Variants in SLC12A2 observed in about 807,000 individuals in gnomAD.
SLC12A2 encodes solute carrier family 12 member 2, also known as Na-K-2Cl cotransporter 1.
SLC12A2 carries 67 observed loss-of-function variants against 136.3 expected under a neutral mutation model. That is an observed-to-expected ratio of 0.49 (90% CI 0.40 to 0.60). The LOEUF is 0.60. SLC12A2 is among the 20% of genes least tolerant of loss of function. The pLI is 0.00. For missense variants in SLC12A2, 1,322 were observed against 1,534.7 expected (o/e 0.86, Z 2.32); for synonymous variants, 619 against 562.9 (o/e 1.10, Z -1.41).
At chr5:128,148,415 G>C (rs1762596729) in intron 11 of SLC12A2, among the ~76,000 whole-genome samples, 1 of 151,662 alleles carries the variant, frequency 6.6e-6, no homozygotes, top group South Asian at 2.1e-4. Context: ...TAAGATTTCA[G>C]CTTGTTTTTC....
At position 128,110,964 on chromosome 5, in the gene SLC12A2, T is replaced by C; in HGVS notation, c.757-1850T>C. 6 of 814,278 alleles carry C rather than the reference T, an allele frequency of 7.4e-6. No homozygotes were observed. In the South Asian group the frequency reaches 8.0e-5, roughly 11 times the overall value. 50.4% of individuals were successfully genotyped at this position (814,278 alleles called of 1,614,324 possible). A position where few individuals can be genotyped will look rare whatever the true frequency, so the allele number is the denominator to read the frequency against. ...CTGAGAATGACCTCTTCCCTTGCAC[T>C]TGCCATAGGAAAAAGACCAAAGATG... On this transcript the variant is annotated intron_variant, in intron 1 of 26. Coordinates refer to ENST00000262461, the MANE Select transcript of SLC12A2 (RefSeq NM_001046.3).
In SLC12A2 at chr5:128,184,465, A is replaced by C; in HGVS notation, c.3399A>C (p.Arg1133=). Residue 1133 remains arginine (R), a synonymous_variant, in exon 25 of 27, where the codon CGA becomes CGC. Coordinates refer to ENST00000262461, the MANE Select transcript of SLC12A2 (RefSeq NM_001046.3). ...AAATGAAAGAAGATGAACCATGGCG[A>C]ATAACAGATAATGAGCTTGAACTTT... ...ADKMKEDEPW[R]ITDNELELYK... The C allele has an allele frequency of 9.3e-6, 15 of 1,608,244 alleles. No homozygotes were observed. Among genetic ancestry groups the C allele is most frequent in the Non-Finnish European group, 1.3e-5 (15 of 1,177,434 alleles).
chr5:128,104,827 C>G lies in SLC12A2; in HGVS notation c.757-7987C>G, dbSNP rs1207980706. ...ATGCTGTATACCCTGGGAGGTATTT[C>G]TACAAAGTATAGAATTTTAAAAATC... On this transcript the variant is annotated intron_variant, in intron 1 of 26. Transcript: ENST00000262461. Among the ~76,000 whole-genome samples the G allele has an allele frequency of 2.0e-5, 3 of 151,856 alleles. No individual in the cohort carries two copies. In the South Asian group the frequency reaches 6.2e-4, roughly 31 times the overall value.
Position 128,158,180 on chromosome 5 carries a change from G to A in SLC12A2, c.2475+16G>A. ...TGTACATATGGTAAGTATCAATTTT[G>A]TTTTCTTTTTCAAGTTTTTTTTTAA... On this transcript the variant is annotated intron_variant, in intron 16 of 26. Transcript: ENST00000262461. 6.3e-7 allele frequency: 1 copy of A among 1,574,818 alleles called. No homozygotes were observed. The highest frequency in any genetic ancestry group is 8.6e-7 in the Non-Finnish European group (1 of 1,158,834).
chr5:128,132,963 C>G (rs971836340), intron 5 of SLC12A2, among the ~76,000 whole-genome samples: 3 of 152,024 alleles, frequency 2.0e-5, no homozygotes, highest in African/African-American at 7.2e-5. Flanking sequence ...ACATTTTAAA[C>G]TACATTTATT....
intron 1 of SLC12A2, 53 bp from the exon 2 acceptor site, chr5:128,112,761 G>T (rs1343559948): frequency 1.2e-5 from 16 of 1,387,820 alleles, no homozygotes; most frequent in Non-Finnish European, 1.5e-5. Context: ...TTTTTATCAA[G>T]TGATTTTAAA....
chr5:128,127,579 T>G (rs1228942553), intron 4 of SLC12A2, among the ~76,000 whole-genome samples: 2 of 152,146 alleles, frequency 1.3e-5, no homozygotes, highest in African/African-American at 4.8e-5. Flanking sequence ...AGTTTTTTTT[T>G]TGGCAGGAGT....
At chr5:128,126,625 G>C (rs1448182863) in intron 4 of SLC12A2, among the ~76,000 whole-genome samples, 1 of 152,126 alleles carries the variant, frequency 6.6e-6, no homozygotes, top group African/African-American at 2.4e-5. Context: ...TCTGAATAGA[G>C]ATGGTTTTTA....
chr5:128,159,347 C>T (rs1266770100), intron 16 of SLC12A2, among the ~76,000 whole-genome samples: 1 of 152,026 alleles, frequency 6.6e-6, no homozygotes, highest in Non-Finnish European at 1.5e-5. Context: ...GGCATGGGCA[C>T]AGACTTCATG....
In SLC12A2 at chr5:128,135,684, A is replaced by T. The variant is rs369460358; in HGVS notation, c.1300-16A>T. 1 of 1,458,744 alleles carries T rather than the reference A, an allele frequency of 6.9e-7. No individual in the cohort carries two copies. Among genetic ancestry groups the T allele is most frequent in the Admixed American group, 1.7e-5 (1 of 57,520 alleles). The allele number at this position is 1,458,744 out of a possible 1,614,324, so 90.4% of individuals were successfully genotyped here. ...ACAAGATACTTGATTTTAATTTTTA[A>T]TGTTTAAAATTGCAGGCTCAGATTG... On this transcript the variant is annotated splice_polypyrimidine_tract_variant and intron_variant, in intron 6 of 26. Coordinates refer to ENST00000262461, the MANE Select transcript of SLC12A2 (RefSeq NM_001046.3).
At chr5:128,095,876 A>T (rs1760518515) in intron 1 of SLC12A2, among the ~76,000 whole-genome samples, 1 of 152,062 alleles carries the variant, frequency 6.6e-6, no homozygotes, top group Admixed American at 6.6e-5. Context: ...GACCATGTTG[A>T]GTCTTTGATT....
rs1375971728 is a variant in SLC12A2 at position 128,133,820 on chromosome 5, A to G, written c.1189-345A>G. ...AAAGCATGAGTTCACTAATCACAAT[A>G]AATACAAAATATATTTCTGCTATAT... On this transcript the variant is annotated intron_variant, in intron 5 of 26. Transcript: ENST00000262461. 6.6e-5 allele frequency among the ~76,000 whole-genome samples: 10 copies of G among 152,242 alleles called. No individual in the cohort carries two copies. The East Asian group carries it at 1.9e-3, about 29-fold the overall frequency.
chr5:128,090,377 T>C (rs577704906), intron 1 of SLC12A2, among the ~76,000 whole-genome samples: 1 of 152,324 alleles, frequency 6.6e-6, no homozygotes, highest in East Asian at 1.9e-4. Context: ...TTCTTGGTTC[T>C]TATGTGTGGA....
intron 5 of SLC12A2, among the ~76,000 whole-genome samples, chr5:128,132,026 T>A (rs925850085): frequency 6.6e-6 from 1 of 151,952 alleles, no homozygotes; most frequent in Non-Finnish European, 1.5e-5. Context: ...AAAAGAAAAA[T>A]ACAAACATTT....
At position 128,084,189 on chromosome 5, in the gene SLC12A2, A is replaced by C. The variant is rs557916029; in HGVS notation, c.235A>C (p.Ser79Arg). The change falls in exon 1 of 27, where the codon AGC becomes CGC. Residue 79 changes from serine (S) to arginine (R), a missense_variant. Transcript: ENST00000262461. The surrounding 1 kb of genome is among the most constrained non-coding windows in gnomAD (Gnocchi z 5.6). ...GRPLGPTPSQ[S>R]RFQVDLVSEN... ...ACCCTTGGGGCCCACCCCGAGCCAG[A>C]GCCGTTTCCAGGTGGACCTGGTTTC... 139 of 1,292,132 alleles carry C rather than the reference A, an allele frequency of 1.1e-4. No individual in the cohort carries two copies. The highest frequency in any genetic ancestry group is 3.7e-4 in the Admixed American group (9 of 24,442). 80.0% of individuals were successfully genotyped at this position (1,292,132 alleles called of 1,614,324 possible).
intron 17 of SLC12A2, 39 bp downstream of exon 17, chr5:128,161,839 A>G (rs754063273): frequency 1.5e-6 from 2 of 1,335,036 alleles, no homozygotes; most frequent in African/African-American, 1.5e-5. Flanking sequence ...TACATTTTAG[A>G]TTTGTATAAG....
intron 1 of SLC12A2, among the ~76,000 whole-genome samples, chr5:128,098,048 G>A (rs944421580): frequency 6.6e-6 from 1 of 152,144 alleles, no homozygotes; most frequent in South Asian, 2.1e-4. Flanking sequence ...TAGGAAGTCA[G>A]CCAACTGTGT....
chr5:128,084,830 C>A lies in SLC12A2; in HGVS notation c.756+120C>A. ...GTAGTAGACGTGCACGACTTGCTGG[C>A]ATCTCTGGATTCAGCTGTCAAGGGT... On this transcript the variant is annotated intron_variant, in intron 1 of 26. Transcript: ENST00000262461. This position sits in a 1 kb window ranked among gnomAD's most constrained non-coding sequence, Gnocchi z 5.6. 1 of 1,109,586 alleles carries A rather than the reference C, an allele frequency of 9.0e-7. No homozygotes were observed. Among genetic ancestry groups the A allele is most frequent in the Non-Finnish European group, 1.2e-6 (1 of 800,580 alleles). The allele number at this position is 1,109,586 out of a possible 1,614,324, so 68.7% of individuals were successfully genotyped here. A position where few individuals can be genotyped will look rare whatever the true frequency, so the allele number is the denominator to read the frequency against.
At chr5:128,113,935 G>C (rs1050903933) in intron 2 of SLC12A2, among the ~76,000 whole-genome samples, 3 of 152,058 alleles carry the variant, frequency 2.0e-5, no homozygotes, top group Non-Finnish European at 4.4e-5. Flanking sequence ...TATCTTTCTT[G>C]TTCTGTTGCT....
Sources: gnomAD v4.1 joint callset for allele counts (sites outside exome capture counted in the v4.1 genomes callset) on GRCh38, gnomAD v4.1.1 for gene constraint, Gnocchi (gnomAD v3.1) non-coding constraint, MANE v1.5 for transcripts, NCBI Gene and HGNC (gene_info 2026-07-23, HGNC 2026-07-21) for gene names.